The following EPX variants were observed in gnomAD, a reference collection of about 807,000 sequenced individuals.
EPX encodes eosinophil peroxidase.
EPX carries 60 observed loss-of-function variants against 73.0 expected under a neutral mutation model. That is an observed-to-expected ratio of 0.82 (90% confidence interval 0.67 to 1.02). EPX has a LOEUF of 1.02. Ranked by LOEUF, EPX falls within the 50% of genes least tolerant of loss-of-function variation. EPX has a pLI of 0.00. For missense variants in EPX, 950 were observed against 973.9 expected (o/e 0.98, Z 0.33); for synonymous variants, 347 against 389.2 (o/e 0.89, Z 1.28).
Position 58,195,185 on chromosome 17 carries a change from C to A in EPX, c.801+15C>A, listed in dbSNP as rs781359068. On this transcript the variant is annotated intron_variant, in intron 6 of 12. Transcript: ENST00000225371. ...TTCCCATCAAGGTACCTACCCTCAG[C>A]CAATCTCCCATGCCCTTGTGTGGCC... 6.9e-6 allele frequency: 11 copies of A among 1,602,970 alleles called. No homozygotes were observed. In the South Asian group the frequency reaches 1.1e-4, roughly 16 times the overall value.
At chr17:58,198,636 G>A (rs1968294685) in intron 7 of EPX, among the ~76,000 whole-genome samples, 1 of 152,210 alleles carries the variant, frequency 6.6e-6, no homozygotes, top group African/African-American at 2.4e-5. Flanking sequence ...AGGTACACCA[G>A]CCCTTGGCAG....
intron 11 of EPX, among the ~76,000 whole-genome samples, chr17:58,203,796 G>C (rs966816165): frequency 3.3e-5 from 5 of 150,076 alleles, no homozygotes; most frequent in Admixed American, 1.3e-4. Flanking sequence ...GCCGGGCGTA[G>C]TGGCGGGCGC....
In EPX at chr17:58,193,764, G is replaced by A. The variant is rs1297380721; in HGVS notation, c.397G>A (p.Ala133Thr). Residue 133 changes from alanine to threonine, a missense_variant, in exon 4 of 13, where the codon GCT becomes ACT. By Grantham distance (58) the Ala-to-Thr change is moderately conservative. Transcript: ENST00000225371. ...GCTGCTGTCCCAGGCCAGTGGCTGT[G>A]CTCTCCGGGACCAGGCCGAGCGCTG... Reference protein sequence around the residue: ...LRLLSQASGCALRDQAERCSD... With the variant: ...LRLLSQASGCTLRDQAERCSD... 1.9e-6 allele frequency: 3 copies of A among 1,612,710 alleles called. No individual in the cohort carries two copies. Among genetic ancestry groups the A allele is most frequent in the Non-Finnish European group, 2.5e-6 (3 of 1,179,916 alleles).
At chr17:58,193,909 C>T in intron 4 of EPX, 54 bp from the exon 5 acceptor site, 2 of 1,611,696 alleles carry the variant, frequency 1.2e-6, no homozygotes, top group South Asian at 1.1e-5. Flanking sequence ...TCCCTCCATG[C>T]TGAGCCATCT....
At chr17:58,202,151 A>G (rs996219240) in intron 10 of EPX, among the ~76,000 whole-genome samples, 18 of 152,196 alleles carry the variant, frequency 1.2e-4, no homozygotes, top group Admixed American at 5.9e-4. Context: ...TATTCACCCA[A>G]TAGTGCTCAG....
At chr17:58,199,881 A>T in intron 9 of EPX, 87 bp downstream of exon 9, 1 of 1,422,780 alleles carries the variant, frequency 7.0e-7, no homozygotes, top group Non-Finnish European at 9.7e-7. Context: ...CCAGGAAGCC[A>T]GGCTGCTGCA....
chr17:58,199,645 C>A lies in EPX; in HGVS notation c.1388C>A (p.Ala463Asp). 6.2e-7 allele frequency: 1 copy of A among 1,614,242 alleles called. No homozygotes were observed. Among genetic ancestry groups the A allele is most frequent in the South Asian group, 1.1e-5 (1 of 91,088 alleles). The stretch of plus-strand genomic sequence containing the variant: ...TGCTCCAATGTGGACCCACGGGTGG[C>A]CAATGTCTTCACCCTGGCCTTCCGC... ...GYCSNVDPRV[A>D]NVFTLAFRFG... The change falls in exon 9 of 13, where the codon GCC becomes GAC. Residue 463 changes from alanine (A) to aspartate (D), a missense_variant. By Grantham distance (126) the Ala-to-Asp change is moderately radical (BLOSUM62 -2). Transcript: ENST00000225371.
intron 2 of EPX, 105 bp downstream of exon 2, chr17:58,193,236 A>C: frequency 8.1e-7 from 1 of 1,233,300 alleles, no homozygotes. Flanking sequence ...CCCCATGAAC[A>C]TTTCCTGTTG....
chr17:58,202,915 C>T, intron 10 of EPX, 166 bp from the exon 11 acceptor site: 1 of 669,528 alleles, frequency 1.5e-6, no homozygotes, highest in South Asian at 1.6e-5. Flanking sequence ...AATCAGAGGA[C>T]AGAAACCTAG....
At chr17:58,199,863 G>T in intron 9 of EPX, 69 bp downstream of exon 9, 1 of 1,544,228 alleles carries the variant, frequency 6.5e-7, no homozygotes. Context: ...GGTGGGCCAA[G>T]CTTACTGCCA....
chr17:58,196,028 C>CCTTT (rs550204254), intron 6 of EPX, among the ~76,000 whole-genome samples: 3 of 134,554 alleles, frequency 2.2e-5, no homozygotes, highest in Admixed American at 1.4e-4. Context: ...TTCCTTCCTT[C>CCTTT]CTTTCTTTCT....
At position 58,204,728 on chromosome 17, in the gene EPX, T is replaced by G; in HGVS notation, c.*12-8T>G. The G allele has an allele frequency of 2.6e-6, 1 of 388,084 alleles. No homozygotes were observed. 24.0% of individuals were successfully genotyped at this position (388,084 alleles called of 1,614,324 possible). A position where few individuals can be genotyped will look rare whatever the true frequency, so the allele number is the denominator to read the frequency against. On this transcript the variant is annotated splice_region_variant and splice_polypyrimidine_tract_variant and intron_variant, in intron 12 of 12. Transcript: ENST00000225371. ...TTCCTGACTTATCCAGTTCTGTTACTTCCACAGGAGTCTATCCCAAGTCTC... is the reference window on the plus strand; with the variant it reads ...TTCCTGACTTATCCAGTTCTGTTACGTCCACAGGAGTCTATCCCAAGTCTC...
Position 58,194,956 on chromosome 17 carries a change from C to T in EPX, c.595-8C>T. 2 of 1,612,032 alleles carry T rather than the reference C, an allele frequency of 1.2e-6. No individual in the cohort carries two copies. The highest frequency in any genetic ancestry group is 1.7e-6 in the Non-Finnish European group (2 of 1,178,258). On this transcript the variant is annotated splice_region_variant and splice_polypyrimidine_tract_variant and intron_variant, in intron 5 of 12. Transcript: ENST00000225371. The stretch of plus-strand genomic sequence containing the variant: ...CCATGTCCCGTGCTGATGTTATTTC[C>T]CCACCAGGTCCGGGCTGTCTCCAAC...
intron 11 of EPX, 34 bp downstream of exon 11, chr17:58,203,352 A>G (rs1272680155): frequency 3.6e-6 from 5 of 1,392,210 alleles, no homozygotes; most frequent in Non-Finnish European, 5.1e-6. Flanking sequence ...CATCAGCACC[A>G]GAGGCAGAGC....
chr17:58,203,501 G>C (rs1416124408), intron 11 of EPX, among the ~76,000 whole-genome samples, 183 bp downstream of exon 11: 1 of 152,178 alleles, frequency 6.6e-6, no homozygotes, highest in African/African-American at 2.4e-5. Context: ...CACTGACCCA[G>C]GCAAGGCCCA....
In EPX at chr17:58,196,296, T is replaced by C. The variant is rs1597966477; in HGVS notation, c.802-643T>C. Among the ~76,000 whole-genome samples, 2 of 152,010 alleles carry C rather than the reference T, an allele frequency of 1.3e-5. 1 individual carries two copies. Reference sequence around the variant, plus strand: ...CTAATTTTTGTATTTTTAGTAGAGATTGGGTTTCACCATGTTGACAAGGCT... The same window carrying C: ...CTAATTTTTGTATTTTTAGTAGAGACTGGGTTTCACCATGTTGACAAGGCT... On this transcript the variant is annotated intron_variant, in intron 6 of 12. Coordinates refer to ENST00000225371, the MANE Select transcript of EPX (RefSeq NM_000502.6).
chr17:58,194,840 G>T, intron 5 of EPX, 124 bp from the exon 6 acceptor site: 1 of 744,122 alleles, frequency 1.3e-6, no homozygotes, highest in East Asian at 2.7e-5. Flanking sequence ...GGGGCATGGA[G>T]GGCAGAAGAG....
intron 5 of EPX, 106 bp downstream of exon 5, chr17:58,194,198 T>G (rs1968223626): frequency 8.7e-7 from 1 of 1,144,922 alleles, no homozygotes; most frequent in South Asian, 1.3e-5. Flanking sequence ...GCCCTTCCAC[T>G]GACCAGTGCA....
chr17:58,194,753 G>C (rs1391286072), intron 5 of EPX, among the ~76,000 whole-genome samples: 1 of 152,166 alleles, frequency 6.6e-6, no homozygotes, highest in Non-Finnish European at 1.5e-5. Context: ...CTTTACCACC[G>C]GAATCCTCAG....
Sources: allele counts gnomAD v4.1 joint callset (sites outside exome capture counted in the v4.1 genomes callset), GRCh38; gene constraint gnomAD v4.1.1; transcripts MANE v1.5; gene names NCBI Gene and HGNC (gene_info 2026-07-23, HGNC 2026-07-21).